The following DPYSL2 variants were observed in gnomAD, a reference collection of about 807,000 sequenced individuals.
DPYSL2 encodes the protein dihydropyrimidinase like 2, also known as dihydropyrimidinase-related protein 2.
DPYSL2 carries 13 observed loss-of-function variants against 69.9 expected under a neutral mutation model. That is an observed-to-expected ratio of 0.19 (90% CI 0.12 to 0.30). DPYSL2 has a LOEUF of 0.30. DPYSL2 is among the 10% of genes least tolerant of loss of function. The pLI is 1.00. For synonymous variants in DPYSL2, 326 were observed against 359.1 expected (o/e 0.91, Z 1.04); for missense variants, 587 against 918.9 (o/e 0.64, Z 4.67).
intron 8 of DPYSL2, chr8:26,637,683 T>C (rs1802951264): frequency 6.6e-6 from 1 of 152,208 alleles, no homozygotes; most frequent in African/African-American, 2.4e-5. Context: ...GGAGTATTAA[T>C]TGTTTGCCTC....
At chr8:26,655,569 A>C in intron 13 of DPYSL2, 46 bp from the exon 14 acceptor site, 1 of 1,497,256 alleles carries the variant, frequency 6.7e-7, no homozygotes, top group Non-Finnish European at 9.1e-7. Context: ...ATCTTGTGTG[A>C]CTGTCCTGGC....
Position 26,644,130 on chromosome 8 carries a change from C to T in DPYSL2, c.1425+39C>T, listed in dbSNP as rs763268110. 10 of 1,602,190 alleles carry T rather than the reference C, an allele frequency of 6.2e-6. No homozygotes were observed. In the South Asian group the frequency reaches 6.7e-5, roughly 11 times the overall value. ...GCCTCACTCCTTGGTGGCTCTCAGC[C>T]TTCCTTGTCCTCCTCATCTGGGGGC... On this transcript the variant is annotated intron_variant, in intron 10 of 13. Coordinates refer to ENST00000521913, the MANE Select transcript of DPYSL2 (RefSeq NM_001197293.3). This position sits in a 1 kb window ranked among gnomAD's most constrained non-coding sequence, Gnocchi z 4.5.
At chr8:26,631,071 C>CTAAAA (rs1802760021) in intron 7 of DPYSL2, among the ~76,000 whole-genome samples, 1 of 152,204 alleles carries the variant, frequency 6.6e-6, no homozygotes, top group Non-Finnish European at 1.5e-5. Context: ...GGCTTGCATT[C>CTAAAA]CTTCTTTCTC....
chr8:26,555,984 G>GTATATATAAATATATAGTATATATTA (rs1585505980), intron 1 of DPYSL2, among the ~76,000 whole-genome samples: 5 of 109,646 alleles, frequency 4.6e-5, no homozygotes, highest in East Asian at 2.4e-4. Context: ...AGTATATATA[G>GTATATATAAATATATAGTATATATTA]TATATATAAA....
intron 1 of DPYSL2, chr8:26,577,265 G>C: frequency 8.0e-6 from 3 of 375,426 alleles, no homozygotes; most frequent in East Asian, 1.5e-4. Flanking sequence ...GGACGCTCCC[G>C]GGAAGCAGCC....
chr8:26,616,297 C>G (rs1178789709), intron 3 of DPYSL2, among the ~76,000 whole-genome samples: 1 of 152,126 alleles, frequency 6.6e-6, no homozygotes, highest in East Asian at 1.9e-4. Context: ...AACTGCCAAG[C>G]ACAACCCACA....
intron 3 of DPYSL2, among the ~76,000 whole-genome samples, chr8:26,622,753 T>G (rs1451936912): frequency 6.6e-6 from 1 of 152,218 alleles, no homozygotes; most frequent in Non-Finnish European, 1.5e-5. Flanking sequence ...CTGTCTGCCT[T>G]GGCCTCCCAA....
In DPYSL2 at chr8:26,624,840, G is replaced by A. The variant is rs1285533250; in HGVS notation, c.793+533G>A. On this transcript the variant is annotated intron_variant, in intron 4 of 13. Transcript: ENST00000521913. This position sits in a 1 kb window ranked among gnomAD's most constrained non-coding sequence, Gnocchi z 4.7. ...TGGAGAACAAATTTCCAGGGATTGG[G>A]AAGATTCACAGAGAGGCAGGAGGAA... Among the ~76,000 whole-genome samples, 1 of 152,118 alleles carries A rather than the reference G, an allele frequency of 6.6e-6. No individual in the cohort carries two copies.
At position 26,579,004 on chromosome 8, in the gene DPYSL2, G is replaced by A. The variant is rs529809022; in HGVS notation, c.355-2965G>A. 3.9e-5 allele frequency among the ~76,000 whole-genome samples: 6 copies of A among 152,310 alleles called. No homozygotes were observed. In the East Asian group the frequency reaches 1.2e-3, roughly 29 times the overall value. ...TGTAGTTCGGGGCTGGGGCCCTGGCGGGGATTCGGGCTCTTTTTCACGTCT... is the reference window on the plus strand; with the variant it reads ...TGTAGTTCGGGGCTGGGGCCCTGGCAGGGATTCGGGCTCTTTTTCACGTCT... On this transcript the variant is annotated intron_variant, in intron 1 of 13. Coordinates refer to ENST00000521913, the MANE Select transcript of DPYSL2 (RefSeq NM_001197293.3).
intron 1 of DPYSL2, among the ~76,000 whole-genome samples, chr8:26,536,194 C>T (rs1283927780): frequency 6.6e-6 from 1 of 151,344 alleles, no homozygotes; most frequent in African/African-American, 2.4e-5. Context: ...CCTGCCTCGA[C>T]CTCCCAAAGT....
In DPYSL2 at chr8:26,644,153, G is replaced by T; in HGVS notation, c.1425+62G>T. On this transcript the variant is annotated intron_variant, in intron 10 of 13. Coordinates refer to ENST00000521913, the MANE Select transcript of DPYSL2 (RefSeq NM_001197293.3). This position sits in a 1 kb window ranked among gnomAD's most constrained non-coding sequence, Gnocchi z 4.5. ...GCCTTCCTTGTCCTCCTCATCTGGGGGCCATGGGGCTCATGGAGGCCTTGA... is the reference window on the plus strand; with the variant it reads ...GCCTTCCTTGTCCTCCTCATCTGGGTGCCATGGGGCTCATGGAGGCCTTGA... 6.4e-7 allele frequency: 1 copy of T among 1,574,332 alleles called. No homozygotes were observed. Among genetic ancestry groups the T allele is most frequent in the African/African-American group, 1.3e-5 (1 of 74,170 alleles).
rs1469091119 is a variant in DPYSL2, at chr8:26,585,166, TAGC to T, written c.628+1186_628+1188del. ...GTGGAGTCTGTCATATATGAAAAGA[TAGC>T]AGTTCAGTTCAGAAGAGGGTCTAAG... On this transcript the variant is annotated intron_variant, in intron 3 of 13. Coordinates refer to ENST00000521913, the MANE Select transcript of DPYSL2 (RefSeq NM_001197293.3). The surrounding 1 kb of genome is among the most constrained non-coding windows in gnomAD (Gnocchi z 4.0). 6.6e-6 allele frequency among the ~76,000 whole-genome samples: 1 copy of T among 152,212 alleles called. No individual in the cohort carries two copies. The highest frequency in any genetic ancestry group is 1.5e-5 in the Non-Finnish European group (1 of 68,038).
At chr8:26,618,113 A>G (rs1004920892) in intron 3 of DPYSL2, among the ~76,000 whole-genome samples, 4 of 152,148 alleles carry the variant, frequency 2.6e-5, no homozygotes, top group African/African-American at 4.8e-5. Context: ...GTAACTTGCA[A>G]ATTCAGGCCA....
Position 26,610,836 on chromosome 8 carries a change from G to T in DPYSL2, c.629-13307G>T, listed in dbSNP as rs1486617676. ...AACACACGATTTTGTAGGCCCTACTGTTGTTAGCTGTTCGTAGATACTATT... is the reference window on the plus strand; with the variant it reads ...AACACACGATTTTGTAGGCCCTACTTTTGTTAGCTGTTCGTAGATACTATT... On this transcript the variant is annotated intron_variant, in intron 3 of 13. Coordinates refer to ENST00000521913, the MANE Select transcript of DPYSL2 (RefSeq NM_001197293.3). This position sits in a 1 kb window ranked among gnomAD's most constrained non-coding sequence, Gnocchi z 4.5. Among the ~76,000 whole-genome samples, 1 of 152,172 alleles carries T rather than the reference G, an allele frequency of 6.6e-6. No individual in the cohort carries two copies. Among genetic ancestry groups the T allele is most frequent in the African/African-American group, 2.4e-5 (1 of 41,434 alleles).
At chr8:26,633,071 G>A (rs1041035141) in intron 7 of DPYSL2, among the ~76,000 whole-genome samples, 1 of 152,242 alleles carries the variant, frequency 6.6e-6, no homozygotes, top group Non-Finnish European at 1.5e-5. Flanking sequence ...TAGGGGCTCA[G>A]TTATTTCTTG....
intron 1 of DPYSL2, among the ~76,000 whole-genome samples, chr8:26,549,084 G>A (rs1800830467): frequency 6.6e-6 from 1 of 151,938 alleles, no homozygotes; most frequent in African/African-American, 2.4e-5. Context: ...AGTTACTCGG[G>A]AGGCTGAGGC....
intron 3 of DPYSL2, among the ~76,000 whole-genome samples, chr8:26,595,254 A>G (rs1053925316): frequency 6.6e-6 from 1 of 152,062 alleles, no homozygotes; most frequent in Non-Finnish European, 1.5e-5. Flanking sequence ...TATAGGGCTT[A>G]TAATCCTGTA....
rs868443407 is a variant in DPYSL2, at chr8:26,617,230, C to T, written c.629-6913C>T. On this transcript the variant is annotated intron_variant, in intron 3 of 13. Coordinates refer to ENST00000521913, the MANE Select transcript of DPYSL2 (RefSeq NM_001197293.3). The surrounding 1 kb of genome is among the most constrained non-coding windows in gnomAD (Gnocchi z 4.7). ...ACGGGGTGAAGGGTATGAAGGTTCTCTCTGTGTCATTTCTTAAAACTCCAT... is the reference window on the plus strand; with the variant it reads ...ACGGGGTGAAGGGTATGAAGGTTCTTTCTGTGTCATTTCTTAAAACTCCAT... Among the ~76,000 whole-genome samples the T allele has an allele frequency of 2.0e-5, 3 of 152,168 alleles. No homozygotes were observed. Among genetic ancestry groups the T allele is most frequent in the Non-Finnish European group, 4.4e-5 (3 of 68,040 alleles).
At chr8:26,523,289 A>G (rs939215758) in intron 1 of DPYSL2, among the ~76,000 whole-genome samples, 67 of 152,194 alleles carry the variant, frequency 4.4e-4, no homozygotes, top group African/African-American at 1.5e-3. Flanking sequence ...GGGAAAATAA[A>G]TGAGTTCAAT....
Sources: gnomAD v4.1 joint callset for allele counts (sites outside exome capture counted in the v4.1 genomes callset) on GRCh38, gnomAD v4.1.1 for gene constraint, Gnocchi (gnomAD v3.1) non-coding constraint, MANE v1.5 for transcripts, NCBI Gene and HGNC (gene_info 2026-07-23, HGNC 2026-07-21) for gene names.